Variants in ACTN2 observed in about 807,000 individuals in gnomAD.
The protein encoded by ACTN2 is actinin alpha 2, also known as alpha-actinin-2.
A neutral mutation model predicts 113.8 loss-of-function variants in ACTN2; 39 were observed. The ratio of observed to expected loss-of-function variants is 0.34; its 90% CI spans 0.27 to 0.45. ACTN2 has a LOEUF of 0.45. Among genes scored for constraint, ACTN2 ranks in the 20% least tolerant of loss-of-function variants. The pLI is 1.00. For synonymous variants in ACTN2, 429 were observed against 444.1 expected, an observed-to-expected ratio of 0.97 and a Z score of 0.43; for missense variants, 992 against 1,177.9, an observed-to-expected ratio of 0.84 and a Z score of 2.31.
intron 7 of ACTN2, chr1:236,734,645 G>C (rs1658812897): frequency 1.5e-6 from 1 of 656,928 alleles, no homozygotes; most frequent in Non-Finnish European, 2.5e-6. Flanking sequence ...CCAGGAGGCA[G>C]TTGTTTGTCT....
chr1:236,719,122 C>T, intron 3 of ACTN2, 109 bp downstream of exon 3: 2 of 1,495,928 alleles, frequency 1.3e-6, no homozygotes, highest in Non-Finnish European at 1.8e-6. Flanking sequence ...TTTACTGTAC[C>T]TGCCTTGTAT....
intron 1 of ACTN2, among the ~76,000 whole-genome samples, chr1:236,695,069 C>A (rs1016440903): frequency 6.6e-6 from 1 of 150,410 alleles, no homozygotes; most frequent in African/African-American, 2.4e-5. Flanking sequence ...ATAAGCTTTT[C>A]GTTAAAAAAT....
rs114026787 is a variant in ACTN2 at position 236,689,777 on chromosome 1, G to T, written c.126+2978G>T. On this transcript the variant is annotated intron_variant, in intron 1 of 20. Transcript: ENST00000366578. ...TAAATTGGGACCTCTTCAGTGGACT[G>T]TTGAAACTTTTAGAGTGTTGGTGTC... 5.1e-3 allele frequency among the ~76,000 whole-genome samples: 781 copies of T among 152,338 alleles called. 9 individuals carry two copies. Among genetic ancestry groups the T allele is most frequent in the South Asian group, 0.016 (79 of 4,828 alleles).
At chr1:236,687,527 C>T (rs1351832233) in intron 1 of ACTN2, among the ~76,000 whole-genome samples, 1 of 152,230 alleles carries the variant, frequency 6.6e-6, no homozygotes, top group Admixed American at 6.5e-5. Context: ...CCGCCTCTTA[C>T]TTGACTAGGC....
chr1:236,730,134 A>G (rs1389317685), intron 6 of ACTN2, among the ~76,000 whole-genome samples: 2 of 152,268 alleles, frequency 1.3e-5, no homozygotes, highest in East Asian at 3.8e-4. Flanking sequence ...AATCTACCAG[A>G]GGCCACATGG....
intron 12 of ACTN2, 62 bp from the exon 13 acceptor site, chr1:236,747,605 C>A (rs995067029): frequency 7.0e-7 from 1 of 1,431,298 alleles, no homozygotes; most frequent in African/African-American, 1.4e-5. Flanking sequence ...CTTTTTTAGC[C>A]CATGTTCATT....
chr1:236,743,695 G>A (rs1346556871), intron 11 of ACTN2, among the ~76,000 whole-genome samples: 1 of 151,618 alleles, frequency 6.6e-6, no homozygotes, highest in African/African-American at 2.4e-5. Context: ...TCATTCTATG[G>A]TTTTTGCTTT....
At chr1:236,736,030 T>C (rs1201203875) in intron 8 of ACTN2, among the ~76,000 whole-genome samples, 1 of 152,220 alleles carries the variant, frequency 6.6e-6, no homozygotes, top group Non-Finnish European at 1.5e-5. Flanking sequence ...ATGCATTGAA[T>C]GGTAAAGGGG....
chr1:236,743,236 C>T (rs958470803), intron 11 of ACTN2, among the ~76,000 whole-genome samples, 193 bp downstream of exon 11: 4 of 152,166 alleles, frequency 2.6e-5, no homozygotes, highest in Admixed American at 2.6e-4. Context: ...TCTAATCACG[C>T]AGGTAATCTA....
chr1:236,686,503 C>G lies in ACTN2; in HGVS notation c.-171C>G. On this transcript the variant is annotated 5_prime_UTR_variant, in exon 1 of 21. Transcript: ENST00000366578. ...GCGCGGCAGCTGCTCGCAGCCGGAG[C>G]TGGTGCTTCGCCCGAGACCCAGCGC... 2 of 609,150 alleles carry G rather than the reference C, an allele frequency of 3.3e-6. No homozygotes were observed. The highest frequency in any genetic ancestry group is 4.8e-5 in the East Asian group (1 of 20,882). 37.7% of individuals were successfully genotyped at this position (609,150 alleles called of 1,614,324 possible). A position where few individuals can be genotyped will look rare whatever the true frequency, so the allele number is the denominator to read the frequency against.
intron 1 of ACTN2, among the ~76,000 whole-genome samples, chr1:236,709,220 G>GTGTGTGTGTATATATATA (rs1275373436): frequency 3.0e-5 from 2 of 66,852 alleles, no homozygotes; most frequent in Admixed American, 2.2e-4. Context: ...ACAAATGACT[G>GTGTGTGTGTATATATATA]TATATATATA....
At chr1:236,737,787 A>G (rs1000454799) in intron 9 of ACTN2, among the ~76,000 whole-genome samples, 4 of 151,668 alleles carry the variant, frequency 2.6e-5, no homozygotes, top group Admixed American at 6.6e-5. Flanking sequence ...CTTCAGCTAG[A>G]CTCTTGGTTA....
intron 8 of ACTN2, chr1:236,736,529 G>A (rs946525997): frequency 2.8e-5 from 38 of 1,369,480 alleles, no homozygotes; most frequent in Non-Finnish European, 3.7e-5. Flanking sequence ...ACAGAGAATT[G>A]TGTATTACCT....
chr1:236,695,064 C>G (rs1413706346), intron 1 of ACTN2, among the ~76,000 whole-genome samples: 1 of 151,224 alleles, frequency 6.6e-6, no homozygotes, highest in Non-Finnish European at 1.5e-5. Flanking sequence ...GAGAAATAAG[C>G]TTTTCGTTAA....
chr1:236,738,936 G>A (rs1363796239), intron 9 of ACTN2, among the ~76,000 whole-genome samples: 1 of 152,110 alleles, frequency 6.6e-6, no homozygotes, highest in Non-Finnish European at 1.5e-5. Context: ...CTACAGTTCT[G>A]CCATGTCAAG....
intron 4 of ACTN2, among the ~76,000 whole-genome samples, chr1:236,724,701 A>G (rs1275796810): frequency 6.6e-6 from 1 of 152,184 alleles, no homozygotes; most frequent in Admixed American, 6.5e-5. Context: ...ATGTGGCCTC[A>G]GTGGGAATGC....
At chr1:236,697,619 C>T (rs1203625745) in intron 1 of ACTN2, among the ~76,000 whole-genome samples, 2 of 152,150 alleles carry the variant, frequency 1.3e-5, no homozygotes, top group Non-Finnish European at 2.9e-5. Context: ...GATTTTCTTT[C>T]TGGAGAAATC....
In ACTN2 at chr1:236,739,288, T is replaced by C. The variant is rs1658994229; in HGVS notation, c.877-14T>C. 1.9e-6 allele frequency: 3 copies of C among 1,613,516 alleles called. No individual in the cohort carries two copies. The highest frequency in any genetic ancestry group is 2.5e-6 in the Non-Finnish European group (3 of 1,179,846). On this transcript the variant is annotated splice_polypyrimidine_tract_variant and intron_variant, in intron 9 of 20. Transcript: ENST00000366578. ...GCTGGTGTCTTCAGCAGTATTTTTGTGTTTGCGGAGCAGCTTTTGGAATGG... is the reference window on the plus strand; with the variant it reads ...GCTGGTGTCTTCAGCAGTATTTTTGCGTTTGCGGAGCAGCTTTTGGAATGG...
At chr1:236,720,804 T>C (rs549789773) in intron 4 of ACTN2, among the ~76,000 whole-genome samples, 3 of 152,128 alleles carry the variant, frequency 2.0e-5, no homozygotes, top group Admixed American at 6.6e-5. Context: ...AAGTGTCAAA[T>C]TGGCATTCTT....
Sources: gnomAD v4.1 joint callset for allele counts (sites outside exome capture counted in the v4.1 genomes callset) on GRCh38, gnomAD v4.1.1 for gene constraint, MANE v1.5 for transcripts, NCBI Gene and HGNC (gene_info 2026-07-23, HGNC 2026-07-21) for gene names.